TLCD3A: variants seen among roughly 807,000 people sequenced by gnomAD.
TLCD3A encodes the protein TLC domain-containing protein 3A.
In TLCD3A, 17 loss-of-function variants were observed where a neutral mutation model predicts 29.9. The ratio of observed to expected loss-of-function variants is 0.57; its 90% CI spans 0.39 to 0.85. The LOEUF (loss-of-function observed/expected upper bound fraction) is 0.85, where lower values mean the gene tolerates loss of function less well. Ranked by LOEUF, TLCD3A falls within the 40% of genes least tolerant of loss-of-function variation. The probability of loss-of-function intolerance (pLI) is 0.00; values close to 1 mark genes in which losing one functional copy is unlikely to be tolerated. For synonymous variants in TLCD3A, 143 were observed against 147.7 expected (o/e 0.97, Z 0.23); for missense variants, 332 against 350.8 (o/e 0.95, Z 0.43).
rs200564445 is a variant in TLCD3A at position 733,082 on chromosome 17, T to TC, written c.123-15dup. ...ACCGGACTGAGCGCGCGCGCTGTTC[T>TC]CTCCGCCCGCGCTAGGCTGGTTTCC... On this transcript the variant is annotated splice_polypyrimidine_tract_variant and intron_variant, in intron 1 of 4. Transcript: ENST00000308278. The TC allele has an allele frequency of 6.4e-7, 1 of 1,568,536 alleles. No individual in the cohort carries two copies. Among genetic ancestry groups the TC allele is most frequent in the South Asian group, 1.2e-5 (1 of 85,480 alleles).
chr17:736,845 G>A (rs928510250), intron 2 of TLCD3A, among the ~76,000 whole-genome samples: 4 of 151,534 alleles, frequency 2.6e-5, no homozygotes, highest in African/African-American at 4.9e-5. Flanking sequence ...TAGTAGAAAC[G>A]GGGTTTCACA....
chr17:736,503 C>A (rs1405772714), intron 2 of TLCD3A, among the ~76,000 whole-genome samples: 3 of 152,146 alleles, frequency 2.0e-5, no homozygotes, highest in African/African-American at 7.2e-5. Context: ...GGACGGTGAT[C>A]AACTATGATT....
In TLCD3A at chr17:733,141, A is replaced by T; in HGVS notation, c.166A>T (p.Ile56Phe). ...CGCCGTGCTGGCCACCGGCTCGGGGATCGTCATCATTCGCTCCTGCGACGA... is the reference window on the plus strand; with the variant it reads ...CGCCGTGCTGGCCACCGGCTCGGGGTTCGTCATCATTCGCTCCTGCGACGA... ...VHAVLATGSG[I>F]VIIRSCDDVI... The change falls in exon 2 of 5, where the codon ATC (isoleucine) becomes TTC (phenylalanine). Residue 56 changes from isoleucine to phenylalanine, a missense_variant. By Grantham distance (21) the Ile-to-Phe change is conservative (BLOSUM62 0). Transcript: ENST00000308278. 2 of 1,584,872 alleles carry T rather than the reference A, an allele frequency of 1.3e-6. No individual in the cohort carries two copies. Among genetic ancestry groups the T allele is most frequent in the Non-Finnish European group, 1.7e-6 (2 of 1,167,528 alleles).
chr17:736,551 G>A (rs1974156192), intron 2 of TLCD3A, among the ~76,000 whole-genome samples: 1 of 152,162 alleles, frequency 6.6e-6, no homozygotes, highest in South Asian at 2.1e-4. Context: ...CTTTGGATAA[G>A]TAAATGGGAA....
chr17:739,417 G>A (rs1374946345), intron 3 of TLCD3A, among the ~76,000 whole-genome samples: 1 of 152,170 alleles, frequency 6.6e-6, no homozygotes, highest in Non-Finnish European at 1.5e-5. Flanking sequence ...TCAAACTCCT[G>A]ACCTCAGGTG....
rs572469627 is a variant in TLCD3A, at chr17:742,540, G to C, written c.*970G>C. On this transcript the variant is annotated 3_prime_UTR_variant, in exon 5 of 5. Coordinates refer to ENST00000308278, the MANE Select transcript of TLCD3A (RefSeq NM_024792.3). ...AGAGTACTTGAGTGCTTTGCCTCCC[G>C]ATATGCCAGAGCTTGTGGTCCAAAG... is the stretch of plus-strand genomic sequence containing the variant. The C allele has an allele frequency of 6.6e-6, 1 of 152,302 alleles. No homozygotes were observed. The highest frequency in any genetic ancestry group is 2.4e-5 in the African/African-American group (1 of 41,554). The allele number at this position is 152,302 out of a possible 1,614,324, so 9.4% of individuals were successfully genotyped here.
At chr17:733,262 C>A in intron 2 of TLCD3A, 81 bp downstream of exon 2, 1 of 1,316,994 alleles carries the variant, frequency 7.6e-7, no homozygotes, top group Non-Finnish European at 1.0e-6. Flanking sequence ...CACACGCGCT[C>A]AGAAAGCTGA....
chr17:739,493 T>A (rs1357644415), intron 3 of TLCD3A, among the ~76,000 whole-genome samples: 2 of 151,770 alleles, frequency 1.3e-5, no homozygotes, highest in African/African-American at 4.8e-5. Context: ...TTGGCCGGCA[T>A]GTAGTTTTAT....
Position 737,914 on chromosome 17 carries a change from A to G in TLCD3A, c.275A>G (p.Tyr92Cys). 6.2e-7 allele frequency: 1 copy of G among 1,613,768 alleles called. No homozygotes were observed. Among genetic ancestry groups the G allele is most frequent in the East Asian group, 2.2e-5 (1 of 44,836 alleles). ...PYMIYDSYAM[Y>C]LCEWCRTRDQ... ...ATGATCTATGACTCGTACGCCATGT[A>G]CCTCTGTGAATGGTGCCGAACCAGA... The change falls in exon 3 of 5, where the codon TAC becomes TGC. Residue 92 changes from tyrosine to cysteine, a missense_variant. Coordinates refer to ENST00000308278, the MANE Select transcript of TLCD3A (RefSeq NM_024792.3).
intron 3 of TLCD3A, among the ~76,000 whole-genome samples, chr17:739,732 A>C (rs1378031185): frequency 6.6e-6 from 1 of 152,254 alleles, no homozygotes; most frequent in Non-Finnish European, 1.5e-5. Flanking sequence ...GAGTATTCTT[A>C]TATCTCTCAG....
In TLCD3A at chr17:737,918, C is replaced by T; in HGVS notation, c.279C>T (p.Leu93=). 6.2e-7 allele frequency: 1 copy of T among 1,614,028 alleles called. No homozygotes were observed. Among genetic ancestry groups the T allele is most frequent in the Non-Finnish European group, 8.5e-7 (1 of 1,180,024 alleles). The stretch of plus-strand genomic sequence containing the variant: ...TCTATGACTCGTACGCCATGTACCT[C>T]TGTGAATGGTGCCGAACCAGAGACC... ...YMIYDSYAMY[L]CEWCRTRDQN... Residue 93 remains leucine (L), a synonymous_variant, in exon 3 of 5, where the codon CTC becomes CTT. Coordinates refer to ENST00000308278, the MANE Select transcript of TLCD3A (RefSeq NM_024792.3).
chr17:736,492 A>G (rs1264666781), intron 2 of TLCD3A, among the ~76,000 whole-genome samples: 2 of 152,210 alleles, frequency 1.3e-5, no homozygotes, highest in Non-Finnish European at 2.9e-5. Context: ...AATCTGCTCT[A>G]GGACGGTGAT....
rs1278105379 is a variant in TLCD3A at position 733,196 on chromosome 17, C to G, written c.206+15C>G. ...ATCACCGGCAGGTAAGAGCCCGGGC[C>G]GGGGCCTTGTTGCAAATGTCACATT... is the stretch of plus-strand genomic sequence containing the variant. On this transcript the variant is annotated intron_variant, in intron 2 of 4. Transcript: ENST00000308278. 7.2e-6 allele frequency: 11 copies of G among 1,530,244 alleles called. No individual in the cohort carries two copies. The Admixed American group carries it at 2.2e-4, about 31-fold the overall frequency. 94.8% of individuals were successfully genotyped at this position (1,530,244 alleles called of 1,614,324 possible). A position where few individuals can be genotyped will look rare whatever the true frequency, so the allele number is the denominator to read the frequency against.
intron 3 of TLCD3A, among the ~76,000 whole-genome samples, chr17:740,179 A>T (rs186332037): frequency 1.3e-5 from 2 of 152,350 alleles, no homozygotes; most frequent in African/African-American, 4.8e-5. Context: ...AGGGCCTGGC[A>T]CATTTTGTTG....
intron 3 of TLCD3A, among the ~76,000 whole-genome samples, chr17:738,601 T>TTCACTCTG (rs1380713802): frequency 2.0e-5 from 3 of 152,100 alleles, no homozygotes; most frequent in Non-Finnish European, 4.4e-5. Context: ...GAGACAGGGT[T>TTCACTCTG]TCACTCTGTC....
At chr17:737,778 C>A (rs1368231180) in intron 2 of TLCD3A, 68 bp from the exon 3 acceptor site, 19 of 1,410,038 alleles carry the variant, frequency 1.3e-5, no homozygotes, top group Admixed American at 3.4e-5. Flanking sequence ...AAGCACCAAG[C>A]TTGGCTGTGA....
rs1974258199 is a variant in TLCD3A at position 741,715 on chromosome 17, C to T, written c.*145C>T. ...GTTTTTCTAAAGAATATTCATATTA[C>T]CTCCTTCTTCTAACTTGCCCTATTT... On this transcript the variant is annotated 3_prime_UTR_variant, in exon 5 of 5. Coordinates refer to ENST00000308278, the MANE Select transcript of TLCD3A (RefSeq NM_024792.3). 2 of 978,632 alleles carry T rather than the reference C, an allele frequency of 2.0e-6. No homozygotes were observed. The highest frequency in any genetic ancestry group is 1.6e-5 in the African/African-American group (1 of 60,828). The allele number at this position is 978,632 out of a possible 1,614,324, so 60.6% of individuals were successfully genotyped here. A position where few individuals can be genotyped will look rare whatever the true frequency, so the allele number is the denominator to read the frequency against.
At position 733,148 on chromosome 17, in the gene TLCD3A, T is replaced by C; in HGVS notation, c.173T>C (p.Ile58Thr). 1 of 1,582,200 alleles carries C rather than the reference T, an allele frequency of 6.3e-7. No homozygotes were observed. The highest frequency in any genetic ancestry group is 8.6e-7 in the Non-Finnish European group (1 of 1,166,342). Residue 58 changes from isoleucine (I) to threonine (T), a missense_variant, in exon 2 of 5, where the codon ATC (isoleucine) becomes ACC (threonine). Physicochemically the swap from Ile to Thr is moderately conservative, Grantham distance 89. Transcript: ENST00000308278. The part of the protein sequence containing the change: ...AVLATGSGIV[I>T]IRSCDDVITG... Reference sequence around the variant, plus strand: ...CTGGCCACCGGCTCGGGGATCGTCATCATTCGCTCCTGCGACGACGTGATC... The same window carrying C: ...CTGGCCACCGGCTCGGGGATCGTCACCATTCGCTCCTGCGACGACGTGATC...
chr17:740,841 G>T (rs1974242243), intron 4 of TLCD3A, among the ~76,000 whole-genome samples: 1 of 152,112 alleles, frequency 6.6e-6, no homozygotes, highest in South Asian at 2.1e-4. Context: ...TTCCTTCGGA[G>T]ATGGTGGGTG....
Sources: allele counts gnomAD v4.1 joint callset (sites outside exome capture counted in the v4.1 genomes callset), GRCh38; gene constraint gnomAD v4.1.1; transcripts MANE v1.5; gene names NCBI Gene and HGNC (gene_info 2026-07-23, HGNC 2026-07-21).